Variants in AGMO observed in about 807,000 individuals in gnomAD.
AGMO encodes the protein alkylglycerol monooxygenase, also known as glyceryl-ether monooxygenase.
Under a neutral mutation model 60.2 loss-of-function variants are expected in AGMO, and 75 were observed. The observed-to-expected ratio is 1.25, with a 90% confidence interval of 1.03 to 1.51. The LOEUF (loss-of-function observed/expected upper bound fraction) is 1.51, where lower values mean the gene tolerates loss of function less well. AGMO is among the 40% of genes most tolerant of loss of function. AGMO has a pLI of 0.00. For synonymous variants in AGMO, 261 were observed against 177.1 expected, an observed-to-expected ratio of 1.47 and a Z score of -3.76; for missense variants, 763 against 525.5, an observed-to-expected ratio of 1.45 and a Z score of -4.42.
chr7:15,195,495 C>T (rs1280651950), downstream of AGMO, among the ~76,000 whole-genome samples: 2 of 152,124 alleles, frequency 1.3e-5, no homozygotes, highest in African/African-American at 4.8e-5. Flanking sequence ...TGTCACTCCA[C>T]CCTAATCTTT....
chr7:15,497,191 AC>A (rs1783255677), intron 3 of AGMO, among the ~76,000 whole-genome samples: 1 of 152,138 alleles, frequency 6.6e-6, no homozygotes, highest in African/African-American at 2.4e-5. Flanking sequence ...TTTAGTTCTC[AC>A]AACAACCCTA....
chr7:15,528,086 C>A (rs1208377300), intron 3 of AGMO, among the ~76,000 whole-genome samples: 2 of 152,116 alleles, frequency 1.3e-5, no homozygotes, highest in African/African-American at 4.8e-5. Context: ...TTTCAACTTT[C>A]CAGCCTTACT....
downstream of AGMO, among the ~76,000 whole-genome samples, chr7:15,196,857 CA>C (rs1348289113): frequency 6.6e-6 from 1 of 152,078 alleles, no homozygotes; most frequent in Non-Finnish European, 1.5e-5. Flanking sequence ...AAAATGTTTA[CA>C]TAAATAGTGC....
At chr7:15,321,340 T>C (rs1183943811) in intron 12 of AGMO, among the ~76,000 whole-genome samples, 1 of 152,188 alleles carries the variant, frequency 6.6e-6, no homozygotes, top group Non-Finnish European at 1.5e-5. Flanking sequence ...AACTCTAAAA[T>C]ATATCTAATT....
Position 15,348,837 on chromosome 7 carries a change from G to C in AGMO, c.1263+16677C>G, listed in dbSNP as rs547822264. Among the ~76,000 whole-genome samples, 22 of 152,062 alleles carry C rather than the reference G, an allele frequency of 1.4e-4. 1 individual carries two copies. The South Asian group carries it at 4.4e-3, about 30-fold the overall frequency. ...ATGCAAAAATTACCCATAGCCTTCA[G>C]CAATCATCTGAAGAATATTTAGCAA... On this transcript the variant is annotated intron_variant, in intron 12 of 12. Coordinates refer to ENST00000342526, the MANE Select transcript of AGMO (RefSeq NM_001004320.2).
intron 3 of AGMO, among the ~76,000 whole-genome samples, chr7:15,462,046 A>C (rs555612395): frequency 1.5e-5 from 2 of 135,352 alleles, no homozygotes; most frequent in African/African-American, 5.7e-5. Context: ...ACCCAGAAGA[A>C]TCCTACTTGG....
intron 12 of AGMO, among the ~76,000 whole-genome samples, chr7:15,299,886 C>CACACAA (rs774065679): frequency 0.055 from 6,263 of 114,510 alleles, 417 homozygotes; most frequent in African/African-American, 0.073. Flanking sequence ...CACACACACA[C>CACACAA]AGTATGTTTT....
At chr7:15,485,325 A>C (rs1782886760) in intron 3 of AGMO, among the ~76,000 whole-genome samples, 1 of 152,020 alleles carries the variant, frequency 6.6e-6, no homozygotes, top group Admixed American at 6.6e-5. Flanking sequence ...TGAAAAAAAA[A>C]GAAAAAAAGA....
At chr7:15,416,805 G>C (rs182559597) in intron 5 of AGMO, among the ~76,000 whole-genome samples, 2 of 152,214 alleles carry the variant, frequency 1.3e-5, no homozygotes, top group African/African-American at 2.4e-5. Context: ...GTCATTTTCA[G>C]TTTTTACTTT....
intron 12 of AGMO, among the ~76,000 whole-genome samples, chr7:15,264,137 G>A (rs1190625959): frequency 6.6e-6 from 1 of 151,760 alleles, no homozygotes; most frequent in Non-Finnish European, 1.5e-5. Flanking sequence ...ATATTTTAGT[G>A]TCATATTTAT....
At chr7:15,354,455 TACACACGTGTGTGTATAC>T (rs1782421048) in intron 12 of AGMO, among the ~76,000 whole-genome samples, 4 of 19,790 alleles carry the variant, frequency 2.0e-4, no homozygotes, top group African/African-American at 1.2e-3. Flanking sequence ...CGTGTGTGTA[TACACACGTGTGTGTATAC>T]ACACGTGTGT....
intron 12 of AGMO, among the ~76,000 whole-genome samples, chr7:15,299,149 G>C (rs1784484993): frequency 6.6e-6 from 1 of 152,042 alleles, no homozygotes. Context: ...TTCAAAGTGT[G>C]TTTTTTGCTA....
intron 12 of AGMO, among the ~76,000 whole-genome samples, chr7:15,317,699 T>C (rs913986106): frequency 6.6e-6 from 1 of 151,900 alleles, no homozygotes; most frequent in Non-Finnish European, 1.5e-5. Context: ...TCCAAAGAGA[T>C]TCAGAAGTGA....
chr7:15,414,606 G>C (rs896241116), intron 5 of AGMO, among the ~76,000 whole-genome samples: 5 of 151,048 alleles, frequency 3.3e-5, no homozygotes, highest in African/African-American at 7.3e-5. Flanking sequence ...CCTTGCCAGA[G>C]CAATAAGGCA....
intron 12 of AGMO, among the ~76,000 whole-genome samples, chr7:15,306,935 A>G (rs991058943): frequency 6.6e-6 from 1 of 152,014 alleles, no homozygotes; most frequent in Non-Finnish European, 1.5e-5. Flanking sequence ...ATACGTTACA[A>G]TCATGAGAAA....
At chr7:15,285,139 G>C (rs1784066700) in intron 12 of AGMO, among the ~76,000 whole-genome samples, 1 of 151,784 alleles carries the variant, frequency 6.6e-6, no homozygotes, top group East Asian at 1.9e-4. Context: ...ATGGTGAAAA[G>C]TTGAAAGCAT....
At chr7:15,197,753 G>T (rs192754843), downstream of AGMO, among the ~76,000 whole-genome samples, 1 of 152,130 alleles carries the variant, frequency 6.6e-6, no homozygotes, top group Non-Finnish European at 1.5e-5. Flanking sequence ...CTTATCCTGA[G>T]AACTTTTTTT....
intron 12 of AGMO, among the ~76,000 whole-genome samples, chr7:15,342,470 A>C (rs929432455): frequency 7.9e-5 from 12 of 151,554 alleles, no homozygotes; most frequent in African/African-American, 2.9e-4. Flanking sequence ...CTCCCCACCC[A>C]TCCCAACCAT....
At chr7:15,278,236 C>G (rs1783855151) in intron 12 of AGMO, among the ~76,000 whole-genome samples, 1 of 152,188 alleles carries the variant, frequency 6.6e-6, no homozygotes, top group East Asian at 1.9e-4. Context: ...GCTTCATGTA[C>G]AGAAGGGGAG....
Sources: allele counts gnomAD v4.1 joint callset (sites outside exome capture counted in the v4.1 genomes callset), GRCh38; gene constraint gnomAD v4.1.1; transcripts MANE v1.5; gene names NCBI Gene and HGNC (gene_info 2026-07-23, HGNC 2026-07-21).